The following TEX14 variants were observed in gnomAD, a reference collection of about 807,000 sequenced individuals.
TEX14 encodes testis expressed 14, intercellular bridge forming factor.
TEX14 carries 168 observed loss-of-function variants against 178.6 expected under a neutral mutation model. That is an observed-to-expected ratio of 0.94 (90% CI 0.83 to 1.07). The LOEUF (loss-of-function observed/expected upper bound fraction) is 1.07. Among genes scored for constraint, TEX14 ranks in the 50% least tolerant of loss-of-function variants. The probability of loss-of-function intolerance (pLI) is 0.00; values close to 1 mark genes in which losing one functional copy is unlikely to be tolerated. For synonymous variants in TEX14, 626 were observed against 634.1 expected (o/e 0.99, Z 0.19); for missense variants, 1,730 against 1,753.6 (o/e 0.99, Z 0.24).
Position 58,601,849 on chromosome 17 carries a change from G to T in TEX14, c.1635C>A (p.Pro545=), listed in dbSNP as rs890730099. ...NVYLGLTSEH[P]RETPDMEIIE... ...TGATTTCCATGTCAGGTGTCTCTCT[G>T]GGGTGTTCTGAAGTCAGTCCTAGAT... Residue 545 remains proline (P), a synonymous_variant, in exon 13 of 32, where the codon CCC becomes CCA. Coordinates refer to ENST00000349033, the MANE Select transcript of TEX14 (RefSeq NM_031272.5). The T allele has an allele frequency of 1.2e-6, 2 of 1,613,172 alleles. No individual in the cohort carries two copies. The highest frequency in any genetic ancestry group is 1.7e-6 in the Non-Finnish European group (2 of 1,179,872).
At chr17:58,660,163 G>C (rs1332227987) in intron 1 of TEX14, among the ~76,000 whole-genome samples, 2 of 151,118 alleles carry the variant, frequency 1.3e-5, no homozygotes, top group South Asian at 2.1e-4. Flanking sequence ...CCAGCACTTT[G>C]GGAGGCCGAG....
At chr17:58,557,951 G>A in intron 30 of TEX14, 101 bp from the exon 31 acceptor site, 1 of 823,018 alleles carries the variant, frequency 1.2e-6, no homozygotes, top group Non-Finnish European at 2.0e-6. Flanking sequence ...AGAGTAGACT[G>A]TTTTACCTAC....
intron 15 of TEX14, among the ~76,000 whole-genome samples, chr17:58,589,473 A>G (rs1277457246): frequency 6.7e-6 from 1 of 148,876 alleles, no homozygotes; most frequent in African/African-American, 2.5e-5. Flanking sequence ...GAGGCAGGAG[A>G]ATCTCTTGAA....
intron 5 of TEX14, among the ~76,000 whole-genome samples, chr17:58,618,589 A>G (rs1039204924): frequency 2.0e-5 from 3 of 152,206 alleles, no homozygotes; most frequent in Non-Finnish European, 4.4e-5. Flanking sequence ...TTCAGCTCAG[A>G]CTGAAGGAAA....
At chr17:58,671,530 A>T (rs2047303715) in intron 1 of TEX14, among the ~76,000 whole-genome samples, 1 of 150,798 alleles carries the variant, frequency 6.6e-6, no homozygotes, top group Admixed American at 6.6e-5. Context: ...ATGAGGAGGG[A>T]CTCTCTAGTC....
intron 3 of TEX14, among the ~76,000 whole-genome samples, chr17:58,626,164 T>C (rs917356526): frequency 6.6e-6 from 1 of 152,184 alleles, no homozygotes; most frequent in African/African-American, 2.4e-5. Context: ...AATAGATCCC[T>C]GACCCTCCTC....
chr17:58,605,255 G>T, intron 10 of TEX14, 126 bp from the exon 11 acceptor site: 2 of 1,153,382 alleles, frequency 1.7e-6, no homozygotes, highest in Non-Finnish European at 1.2e-6. Context: ...GCAGCAGCGT[G>T]ATCTCAGCTC....
At chr17:58,641,527 G>A (rs2046577891) in intron 2 of TEX14, among the ~76,000 whole-genome samples, 1 of 124,360 alleles carries the variant, frequency 8.0e-6, no homozygotes, top group Non-Finnish European at 1.7e-5. Flanking sequence ...TATTTGAGAT[G>A]GAGTCTCATT....
intron 1 of TEX14, chr17:58,659,315 A>G (rs189688278): frequency 7.1e-6 from 7 of 979,908 alleles, no homozygotes; most frequent in African/African-American, 5.3e-5. Context: ...TTATTTACTT[A>G]ATATTGCTAA....
chr17:58,576,359 C>T (rs1047549029), intron 21 of TEX14, among the ~76,000 whole-genome samples: 3 of 152,160 alleles, frequency 2.0e-5, no homozygotes, highest in Non-Finnish European at 4.4e-5. Flanking sequence ...GTGGCACATG[C>T]CTATAATTCC....
intron 14 of TEX14, among the ~76,000 whole-genome samples, chr17:58,598,183 G>C (rs140002869): frequency 8.6e-5 from 13 of 151,960 alleles, no homozygotes; most frequent in African/African-American, 2.9e-4. Flanking sequence ...GCATGGTGGC[G>C]CATGACTGTA....
At chr17:58,626,207 T>C (rs538136629) in intron 3 of TEX14, among the ~76,000 whole-genome samples, 1 of 152,128 alleles carries the variant, frequency 6.6e-6, no homozygotes, top group Non-Finnish European at 1.5e-5. Flanking sequence ...CTTGGTCCAG[T>C]AGGCATCTGA....
intron 8 of TEX14, among the ~76,000 whole-genome samples, chr17:58,614,446 T>C (rs2045823439): frequency 6.6e-6 from 1 of 152,118 alleles, no homozygotes; most frequent in Non-Finnish European, 1.5e-5. Context: ...GCCTAGATGG[T>C]GCCACTGCAC....
chr17:58,559,091 A>T (rs1356256305), intron 30 of TEX14, among the ~76,000 whole-genome samples: 1 of 152,090 alleles, frequency 6.6e-6, no homozygotes, highest in Non-Finnish European at 1.5e-5. Context: ...AATCACTTGA[A>T]CCCAGGAGGC....
intron 9 of TEX14, among the ~76,000 whole-genome samples, chr17:58,613,199 C>CA (rs917433122): frequency 1.0e-3 from 136 of 135,576 alleles, no homozygotes; most frequent in Admixed American, 1.9e-3. Context: ...GACTCTGTCT[C>CA]AAAAAAAAAA....
At chr17:58,645,804 C>G (rs984441270) in intron 2 of TEX14, among the ~76,000 whole-genome samples, 2 of 152,190 alleles carry the variant, frequency 1.3e-5, no homozygotes, top group Admixed American at 6.5e-5. Context: ...CCATGGGGAA[C>G]TGGTTTCAGG....
At chr17:58,665,342 G>A (rs940207825) in intron 1 of TEX14, among the ~76,000 whole-genome samples, 3 of 151,730 alleles carry the variant, frequency 2.0e-5, no homozygotes, top group African/African-American at 4.8e-5. Flanking sequence ...AATGACTCAT[G>A]CCTGAAATCC....
Position 58,610,675 on chromosome 17 carries a change from C to T in TEX14, c.1184+486G>A, listed in dbSNP as rs548748133. ...CCGAAGTGGGCGGATCACCTGAGGT[C>T]GGGAGTTTGAGACCAGCCTGGCCAA... On this transcript the variant is annotated intron_variant, in intron 10 of 31. Coordinates refer to ENST00000349033, the MANE Select transcript of TEX14 (RefSeq NM_031272.5). Among the ~76,000 whole-genome samples the T allele has an allele frequency of 1.3e-4, 20 of 152,222 alleles. No homozygotes were observed. The South Asian group carries it at 1.9e-3, about 14-fold the overall frequency.
intron 20 of TEX14, among the ~76,000 whole-genome samples, chr17:58,578,506 G>A (rs150884408): frequency 6.6e-6 from 1 of 152,190 alleles, no homozygotes; most frequent in Non-Finnish European, 1.5e-5. Flanking sequence ...ATATATATCA[G>A]AACAGTAGAA....
Sources: allele counts gnomAD v4.1 joint callset (sites outside exome capture counted in the v4.1 genomes callset), GRCh38; gene constraint gnomAD v4.1.1; transcripts MANE v1.5; gene names NCBI Gene and HGNC (gene_info 2026-07-23, HGNC 2026-07-21).